FGGY: variants seen among roughly 807,000 people sequenced by gnomAD.
FGGY encodes FGGY carbohydrate kinase domain-containing protein.
FGGY carries 72 observed loss-of-function variants against 71.3 expected under a neutral mutation model. The observed-to-expected ratio is 1.01, with a 90% confidence interval of 0.84 to 1.23. The LOEUF is 1.23. Among genes scored for constraint, FGGY ranks in the 50% most tolerant of loss-of-function variants. The pLI, the probability that FGGY is intolerant of heterozygous loss-of-function variation, is 0.00. For synonymous variants in FGGY, 251 were observed against 250.3 expected (o/e 1.00, Z -0.02); for missense variants, 668 against 682.3 (o/e 0.98, Z 0.23).
At position 59,347,533 on chromosome 1, in the gene FGGY, G is replaced by T. The variant is rs959029395; in HGVS notation, c.465+1135G>T. On this transcript the variant is annotated intron_variant, in intron 4 of 15. Coordinates refer to ENST00000303721, the MANE Select transcript of FGGY (RefSeq NM_018291.5). ...TTTGGGTTGGTTCCAAGTCTTTGCT[G>T]TTGTGAATAGTGCCACAATAAACAT... is the stretch of plus-strand genomic sequence containing the variant. Among the ~76,000 whole-genome samples, 3 of 152,098 alleles carry T rather than the reference G, an allele frequency of 2.0e-5. No individual in the cohort carries two copies. The South Asian group carries it at 6.2e-4, about 32-fold the overall frequency.
At chr1:59,677,805 G>C (rs902545797) in intron 14 of FGGY, among the ~76,000 whole-genome samples, 5 of 152,082 alleles carry the variant, frequency 3.3e-5, no homozygotes, top group Non-Finnish European at 7.4e-5. Context: ...ACAATTCCTA[G>C]CTTCCTTCTT....
intron 4 of FGGY, among the ~76,000 whole-genome samples, chr1:59,366,787 A>G (rs764866215): frequency 6.6e-6 from 1 of 152,010 alleles, no homozygotes; most frequent in Admixed American, 6.6e-5. Context: ...AGGGTACAGC[A>G]TGGGATGGAG....
Position 59,762,622 on chromosome 1 carries a change from C to T in FGGY, c.*38C>T. On this transcript the variant is annotated 3_prime_UTR_variant, in exon 16 of 16. Transcript: ENST00000303721. ...GGTGCTGATGCCAGAAGCTTCTGTGCCATTGCATTAAAGACTTGTCATTTG... is the reference window on the plus strand; with the variant it reads ...GGTGCTGATGCCAGAAGCTTCTGTGTCATTGCATTAAAGACTTGTCATTTG... The T allele has an allele frequency of 2.7e-6, 4 of 1,459,492 alleles. No individual in the cohort carries two copies. Among genetic ancestry groups the T allele is most frequent in the East Asian group, 2.4e-5 (1 of 41,376 alleles). 90.4% of individuals were successfully genotyped at this position (1,459,492 alleles called of 1,614,324 possible).
intron 8 of FGGY, among the ~76,000 whole-genome samples, chr1:59,573,480 A>T (rs2096022902): frequency 6.6e-6 from 1 of 152,040 alleles, no homozygotes; most frequent in African/African-American, 2.4e-5. Flanking sequence ...ATATACACAC[A>T]TGTATGTTCA....
intron 7 of FGGY, among the ~76,000 whole-genome samples, chr1:59,546,519 TGATG>T (rs2095524842): frequency 1.3e-4 from 19 of 145,948 alleles, no homozygotes; most frequent in Admixed American, 2.7e-4. Context: ...ATGATGATGA[TGATG>T]ATGATGATGA....
chr1:59,315,853 C>G (rs76787808), intron 1 of FGGY: 2 of 152,170 alleles, frequency 1.3e-5, no homozygotes, highest in Non-Finnish European at 2.9e-5. Context: ...ACTTTTAGAA[C>G]TGTCTCCCCT....
chr1:59,627,054 G>A (rs1198394945), intron 10 of FGGY, among the ~76,000 whole-genome samples: 2 of 151,930 alleles, frequency 1.3e-5, no homozygotes, highest in East Asian at 3.9e-4. Context: ...CTGATACCCC[G>A]ATAAAATAGG....
chr1:59,554,359 G>A lies in FGGY; in HGVS notation c.903+132G>A, dbSNP rs1374258193. 4.8e-6 allele frequency: 3 copies of A among 625,512 alleles called. No homozygotes were observed. In the African/African-American group the frequency reaches 5.5e-5, roughly 11 times the overall value. The allele number at this position is 625,512 out of a possible 1,614,324, so 38.7% of individuals were successfully genotyped here. A position where few individuals can be genotyped will look rare whatever the true frequency, so the allele number is the denominator to read the frequency against. ...CTGCCTGCCCCTTGTGCTTTGTCTA[G>A]CCAGAAGCCCAGCTCCCCACTCTAC... On this transcript the variant is annotated intron_variant, in intron 8 of 15. Transcript: ENST00000303721.
intron 7 of FGGY, among the ~76,000 whole-genome samples, chr1:59,535,928 A>G (rs867481103): frequency 2.0e-4 from 29 of 148,068 alleles, no homozygotes; most frequent in Non-Finnish European, 3.4e-4. Context: ...AAGAACTAGA[A>G]AAGCAAGAGC....
At chr1:59,599,686 CAAAA>C (rs76397509) in intron 8 of FGGY, among the ~76,000 whole-genome samples, 41 of 49,422 alleles carry the variant, frequency 8.3e-4, no homozygotes, top group African/African-American at 2.7e-3. Context: ...GAGCAAGACT[CAAAA>C]AAAAAAAAAA....
At chr1:59,515,786 G>A (rs547830052) in intron 7 of FGGY, among the ~76,000 whole-genome samples, 37 of 152,262 alleles carry the variant, frequency 2.4e-4, no homozygotes, top group Middle Eastern at 3.4e-3. Context: ...CCTCCCAGCC[G>A]TGTGGAACTG....
At chr1:59,325,364 AG>A (rs2047234203) in intron 2 of FGGY, among the ~76,000 whole-genome samples, 2 of 61,300 alleles carry the variant, frequency 3.3e-5, no homozygotes, top group African/African-American at 1.4e-4. Context: ...GTCCAACAAC[AG>A]CAACAACAAC....
rs376462966 is a variant in FGGY, at chr1:59,710,747, G to A, written c.1512+36614G>A. Among the ~76,000 whole-genome samples the A allele has an allele frequency of 1.5e-4, 23 of 152,182 alleles. 1 individual carries two copies. The South Asian group carries it at 2.5e-3, about 16-fold the overall frequency. On this transcript the variant is annotated intron_variant, in intron 14 of 15. Transcript: ENST00000303721. ...TGCAAATCAAAACCACAGAGATACCGTCTCAACACCAGTTGGAATGGTGAT... is the reference window on the plus strand; with the variant it reads ...TGCAAATCAAAACCACAGAGATACCATCTCAACACCAGTTGGAATGGTGAT...
intron 10 of FGGY, among the ~76,000 whole-genome samples, chr1:59,637,266 C>T (rs1375940545): frequency 6.6e-6 from 1 of 152,132 alleles, no homozygotes; most frequent in East Asian, 1.9e-4. Context: ...ACCTCCTCTT[C>T]ACCTGAACAT....
chr1:59,550,287 C>G (rs1221291004), intron 7 of FGGY, among the ~76,000 whole-genome samples: 1 of 152,052 alleles, frequency 6.6e-6, no homozygotes, highest in Non-Finnish European at 1.5e-5. Context: ...ATATGTTTCT[C>G]CGGAAAGAAG....
intron 1 of FGGY, among the ~76,000 whole-genome samples, chr1:59,302,703 A>G (rs1433491990): frequency 1.3e-5 from 2 of 151,818 alleles, no homozygotes; most frequent in Non-Finnish European, 2.9e-5. Flanking sequence ...AGGAAAGAGG[A>G]TTAGAAAAAA....
intron 4 of FGGY, among the ~76,000 whole-genome samples, chr1:59,367,758 C>T (rs1317611889): frequency 6.6e-6 from 1 of 152,170 alleles, no homozygotes; most frequent in African/African-American, 2.4e-5. Flanking sequence ...CTACTTCTCT[C>T]TGTCCTGAGG....
At chr1:59,580,746 T>C (rs2096178379) in intron 8 of FGGY, among the ~76,000 whole-genome samples, 1 of 152,142 alleles carries the variant, frequency 6.6e-6, no homozygotes, top group Non-Finnish European at 1.5e-5. Flanking sequence ...CCGCATGTAT[T>C]TTCATTTCTC....
intron 14 of FGGY, among the ~76,000 whole-genome samples, chr1:59,740,758 A>G (rs1163608794): frequency 4.6e-5 from 7 of 152,136 alleles, no homozygotes; most frequent in African/African-American, 9.7e-5. Flanking sequence ...CATTCACTCT[A>G]TGTTTAGCTT....
Sources: gnomAD v4.1 joint callset for allele counts (sites outside exome capture counted in the v4.1 genomes callset) on GRCh38, gnomAD v4.1.1 for gene constraint, MANE v1.5 for transcripts, NCBI Gene and HGNC (gene_info 2026-07-23, HGNC 2026-07-21) for gene names.